The following GHR variants were observed in gnomAD, a reference collection of about 807,000 sequenced individuals.
GHR encodes the protein growth hormone receptor.
In GHR, 35 loss-of-function variants were observed where a neutral mutation model predicts 67.1. The observed-to-expected ratio is 0.52, with a 90% CI of 0.40 to 0.69. GHR has a LOEUF of 0.69. Among genes scored for constraint, GHR ranks in the 30% least tolerant of loss-of-function variants. The pLI, the probability that GHR is intolerant of heterozygous loss-of-function variation, is 0.00. For synonymous variants in GHR, 272 were observed against 269.1 expected, an observed-to-expected ratio of 1.01 and a Z score of -0.10; for missense variants, 792 against 764.6, an observed-to-expected ratio of 1.04 and a Z score of -0.42.
intron 1 of GHR, among the ~76,000 whole-genome samples, chr5:42,455,199 T>G (rs976354018): frequency 6.6e-6 from 1 of 152,176 alleles, no homozygotes; most frequent in African/African-American, 2.4e-5. Flanking sequence ...GGAGGCAGGT[T>G]TTCCCCCATT....
intron 2 of GHR, among the ~76,000 whole-genome samples, chr5:42,618,312 T>A (rs1753269161): frequency 6.6e-6 from 1 of 152,140 alleles, no homozygotes; most frequent in Non-Finnish European, 1.5e-5. Flanking sequence ...AAATGTTTGA[T>A]TCAAGTATGT....
At chr5:42,616,166 A>G (rs975252195) in intron 2 of GHR, among the ~76,000 whole-genome samples, 2 of 152,096 alleles carry the variant, frequency 1.3e-5, no homozygotes, top group Non-Finnish European at 2.9e-5. Context: ...AGGTAGCATG[A>G]TCTTACTTAT....
intron 1 of GHR, among the ~76,000 whole-genome samples, chr5:42,563,986 A>T (rs954912434): frequency 2.0e-5 from 3 of 152,096 alleles, no homozygotes; most frequent in African/African-American, 7.2e-5. Context: ...AGTGGTTCTC[A>T]TTTGCAAAGT....
At chr5:42,480,798 G>A (rs1321976723) in intron 1 of GHR, among the ~76,000 whole-genome samples, 1 of 152,142 alleles carries the variant, frequency 6.6e-6, no homozygotes, top group Non-Finnish European at 1.5e-5. Flanking sequence ...TGTGAGATGG[G>A]TTTCCTTAAT....
At chr5:42,467,160 C>G in intron 1 of GHR, 1 of 1,599,704 alleles carries the variant, frequency 6.3e-7, no homozygotes, top group South Asian at 1.1e-5. Context: ...TGTGAATTCT[C>G]TGGTGGACAA....
intron 1 of GHR, chr5:42,467,205 T>C: frequency 6.5e-7 from 1 of 1,542,946 alleles, no homozygotes. Context: ...CTTGCCCACA[T>C]TCACTGCAGT....
In GHR at chr5:42,721,755, A is replaced by C. The variant is rs896763770; in HGVS notation, c.*2331A>C. On this transcript the variant is annotated 3_prime_UTR_variant, in exon 10 of 10. Transcript: ENST00000230882. ...ACTAGTATGACTAGTTGTGTCTGGC[A>C]GTTTATATTTAACTCTCTTTATGTC... 2 of 152,610 alleles carry C rather than the reference A, an allele frequency of 1.3e-5. No individual in the cohort carries two copies. Among genetic ancestry groups the C allele is most frequent in the African/African-American group, 4.8e-5 (2 of 41,442 alleles). The allele number at this position is 152,610 out of a possible 1,614,324, so 9.5% of individuals were successfully genotyped here.
intron 3 of GHR, among the ~76,000 whole-genome samples, chr5:42,674,525 T>C (rs1017957469): frequency 1.3e-5 from 2 of 152,138 alleles, no homozygotes; most frequent in African/African-American, 2.4e-5. Flanking sequence ...TTCACCTCAT[T>C]TCCTGGCAAC....
intron 2 of GHR, among the ~76,000 whole-genome samples, chr5:42,617,640 C>T (rs1202785923): frequency 7.9e-5 from 12 of 152,070 alleles, no homozygotes; most frequent in Admixed American, 5.9e-4. Flanking sequence ...CTTCTTTTCC[C>T]ACATTCGATC....
intron 1 of GHR, chr5:42,468,559 T>C: frequency 1.1e-6 from 1 of 886,184 alleles, no homozygotes. Context: ...TTATTCCTTC[T>C]TTCTTAAGCA....
chr5:42,443,106 G>T lies in GHR; in HGVS notation c.-12+19151G>T, dbSNP rs755901164. On this transcript the variant is annotated intron_variant, in intron 1 of 9. Transcript: ENST00000230882. ...GAGGTAATGTCAGTCTGGCTACAAAGATTTGAATGTGGGGCTTGAGTTTCT... is the reference window on the plus strand; with the variant it reads ...GAGGTAATGTCAGTCTGGCTACAAATATTTGAATGTGGGGCTTGAGTTTCT... Among the ~76,000 whole-genome samples the T allele has an allele frequency of 2.0e-5, 3 of 152,204 alleles. No individual in the cohort carries two copies. In the South Asian group the frequency reaches 6.2e-4, roughly 32 times the overall value.
intron 1 of GHR, among the ~76,000 whole-genome samples, chr5:42,458,590 T>C (rs1019867347): frequency 6.6e-6 from 1 of 152,000 alleles, no homozygotes; most frequent in Non-Finnish European, 1.5e-5. Flanking sequence ...ATGACAAAGA[T>C]GTCATGACAA....
In GHR at chr5:42,424,171, A is replaced by AGTGTGTGTGTGTGT. The variant is rs1158830359; in HGVS notation, c.-12+251_-12+264dup. On this transcript the variant is annotated intron_variant, in intron 1 of 9. Coordinates refer to ENST00000230882, the MANE Select transcript of GHR (RefSeq NM_000163.5). This position sits in a 1 kb window ranked among gnomAD's most constrained non-coding sequence, Gnocchi z 4.1. ...CTGGTGGGTTGTTGTAACCCAATCTAGTGTGTGTGTGTGTGTGTGTGTGTG... is the reference window on the plus strand; with the variant it reads ...CTGGTGGGTTGTTGTAACCCAATCTAGTGTGTGTGTGTGTGTGTGTGTGTGTGTGTGTGTGTGTG... Among the ~76,000 whole-genome samples the AGTGTGTGTGTGTGT allele has an allele frequency of 8.5e-3, 858 of 100,564 alleles. 20 individuals carry two copies. The highest frequency in any genetic ancestry group is 0.012 in the African/African-American group (291 of 24,222). The allele number at this position is 100,564 out of a possible 152,430, so 66.0% of individuals were successfully genotyped here. A position where few individuals can be genotyped will look rare whatever the true frequency, so the allele number is the denominator to read the frequency against.
At chr5:42,663,801 A>T (rs138006922) in intron 3 of GHR, among the ~76,000 whole-genome samples, 1 of 152,158 alleles carries the variant, frequency 6.6e-6, no homozygotes, top group African/African-American at 2.4e-5. Flanking sequence ...GAGGAAGTCA[A>T]CTTGTCCCTG....
At chr5:42,615,516 G>C (rs1211563780) in intron 2 of GHR, among the ~76,000 whole-genome samples, 11 of 151,964 alleles carry the variant, frequency 7.2e-5, no homozygotes, top group Non-Finnish European at 1.5e-4. Flanking sequence ...TAAATGTATT[G>C]ACAAATGATT....
intron 6 of GHR, among the ~76,000 whole-genome samples, chr5:42,708,394 G>GTATCACT (rs1241390526): frequency 1.3e-5 from 2 of 152,104 alleles, no homozygotes; most frequent in Non-Finnish European, 2.9e-5. Context: ...ATGTAAAACA[G>GTATCACT]TATCACTCTT....
intron 1 of GHR, chr5:42,468,743 C>T: frequency 4.9e-6 from 5 of 1,025,920 alleles, no homozygotes; most frequent in Non-Finnish European, 7.6e-6. Context: ...CCGCCCCCGC[C>T]AGCTTCTTTT....
chr5:42,576,109 A>AAAATAAAAT (rs1579974936), intron 2 of GHR, among the ~76,000 whole-genome samples: 32 of 85,956 alleles, frequency 3.7e-4, no homozygotes, highest in Admixed American at 1.7e-3. Context: ...TAAATAAAAT[A>AAAATAAAAT]AAATAAAATA....
chr5:42,596,490 G>C (rs1031447728), intron 2 of GHR, among the ~76,000 whole-genome samples: 1 of 152,182 alleles, frequency 6.6e-6, no homozygotes, highest in African/African-American at 2.4e-5. Flanking sequence ...TCACACTGTA[G>C]GGCAGCACAC....
Sources: allele counts gnomAD v4.1 joint callset (sites outside exome capture counted in the v4.1 genomes callset), GRCh38; gene constraint gnomAD v4.1.1; non-coding constraint Gnocchi (gnomAD v3.1); transcripts MANE v1.5; gene names NCBI Gene and HGNC (gene_info 2026-07-23, HGNC 2026-07-21).